MYO16: variants seen among roughly 807,000 people sequenced by gnomAD.
MYO16 encodes the protein myosin XVI, also known as unconventional myosin-XVI.
MYO16 carries 94 observed loss-of-function variants against 205.3 expected under a neutral mutation model. That is an observed-to-expected ratio of 0.46 (90% confidence interval 0.39 to 0.54). The LOEUF (loss-of-function observed/expected upper bound fraction) is 0.54, where lower values mean the gene tolerates loss of function less well. Among genes scored for constraint, MYO16 ranks in the 20% least tolerant of loss-of-function variants. The pLI is 0.00. For missense variants in MYO16, 2,315 were observed against 2,387.5 expected, an observed-to-expected ratio of 0.97 and a Z score of 0.63; for synonymous variants, 988 against 954.0, an observed-to-expected ratio of 1.04 and a Z score of -0.66.
At chr13:108,833,648 T>C (rs922904243) in intron 9 of MYO16, among the ~76,000 whole-genome samples, 1 of 152,198 alleles carries the variant, frequency 6.6e-6, no homozygotes, top group African/African-American at 2.4e-5. Context: ...CCTTTGTTAG[T>C]TTCATTTTAT....
intron 15 of MYO16, among the ~76,000 whole-genome samples, chr13:108,898,701 A>G (rs1342673382): frequency 6.6e-6 from 1 of 152,108 alleles, no homozygotes; most frequent in East Asian, 1.9e-4. Context: ...TAATTGCCAA[A>G]CTAAACCCAA....
chr13:108,863,758 G>T lies in MYO16; in HGVS notation c.1360-2419G>T, dbSNP rs995147952. On this transcript the variant is annotated intron_variant, in intron 11 of 34. Coordinates refer to ENST00000457511, the MANE Select transcript of MYO16 (RefSeq NM_001198950.3). ...TTCTGAAATAATCTGTAGAATGTTT[G>T]TTTATTTTGTACATCAATGTTGGGA... is the stretch of plus-strand genomic sequence containing the variant. Among the ~76,000 whole-genome samples, 9 of 152,170 alleles carry T rather than the reference G, an allele frequency of 5.9e-5. No homozygotes were observed. In the South Asian group the frequency reaches 8.3e-4, roughly 14 times the overall value.
the MYO16 span, among the ~76,000 whole-genome samples, chr13:108,503,023 C>A: frequency 9.2e-5 from 14 of 151,950 alleles, no homozygotes; most frequent in African/African-American, 3.1e-4. Context: ...CGTGTAGAAA[C>A]AAGTTTTCTG....
intron 9 of MYO16, among the ~76,000 whole-genome samples, chr13:108,829,913 G>GA (rs1009894880): frequency 2.7e-5 from 4 of 149,934 alleles, no homozygotes; most frequent in African/African-American, 4.9e-5. Flanking sequence ...AAATTTACAA[G>GA]AAAAAAACAA....
chr13:108,914,905 AGT>A (rs1881420397), intron 16 of MYO16, among the ~76,000 whole-genome samples: 1 of 152,198 alleles, frequency 6.6e-6, no homozygotes, highest in African/African-American at 2.4e-5. Context: ...AGCCTCCCAA[AGT>A]GCTGGGATCA....
chr13:108,596,361 T>C (rs1444672264), intron 1 of MYO16: 1 of 151,390 alleles, frequency 6.6e-6, no homozygotes, highest in Non-Finnish European at 1.5e-5. Context: ...AAAATGTGCA[T>C]ATGTCAGTAT....
rs1027348036 is a variant in MYO16 at position 109,060,353 on chromosome 13, A to T, written c.3335+4758A>T. Among the ~76,000 whole-genome samples the T allele has an allele frequency of 9.2e-5, 14 of 152,270 alleles. 1 individual carries two copies. In the East Asian group the frequency reaches 2.1e-3, roughly 23 times the overall value. On this transcript the variant is annotated intron_variant, in intron 27 of 34. Coordinates refer to ENST00000457511, the MANE Select transcript of MYO16 (RefSeq NM_001198950.3). ...TTTGCAGGGACATGGATGAAGCTGG[A>T]ACCCATCATTATCAGCAAACTGACA...
In MYO16 at chr13:109,140,726, C is replaced by A; in HGVS notation, c.4514C>A (p.Pro1505His). 1 of 1,512,110 alleles carries A rather than the reference C, an allele frequency of 6.6e-7. No homozygotes were observed. Among genetic ancestry groups the A allele is most frequent in the Non-Finnish European group, 8.8e-7 (1 of 1,131,296 alleles). The allele number at this position is 1,512,110 out of a possible 1,614,324, so 93.7% of individuals were successfully genotyped here. Residue 1505 changes from proline (P) to histidine (H), a missense_variant, in exon 32 of 35, where the codon CCC (proline) becomes CAC (histidine). Transcript: ENST00000457511. The surrounding 1 kb of genome is among the most constrained non-coding windows in gnomAD (Gnocchi z 8.0). ...GCGTGCGACATCCCGCCGCCCTTCC[C>A]CAACCTGCTGCCGCACCGGCCGCCC... Reference protein sequence around the residue: ...GDACDIPPPFPNLLPHRPPLL... With the variant: ...GDACDIPPPFHNLLPHRPPLL...
chr13:109,003,899 G>T (rs1337202150), intron 21 of MYO16, among the ~76,000 whole-genome samples: 1 of 152,076 alleles, frequency 6.6e-6, no homozygotes, highest in Non-Finnish European at 1.5e-5. Context: ...AATAACAAAA[G>T]AATTGTATTA....
chr13:108,720,014 C>T (rs986551737), intron 3 of MYO16, among the ~76,000 whole-genome samples: 2 of 152,070 alleles, frequency 1.3e-5, no homozygotes, highest in African/African-American at 2.4e-5. Context: ...GGATGTGGTT[C>T]GGTGTTTAGA....
At chr13:109,174,162 A>G (rs946271101) in intron 33 of MYO16, among the ~76,000 whole-genome samples, 2 of 152,140 alleles carry the variant, frequency 1.3e-5, no homozygotes, top group Non-Finnish European at 2.9e-5. Flanking sequence ...CAAGAATTTG[A>G]GGCAAATGAT....
rs917771051 is a variant in MYO16 at position 108,690,406 on chromosome 13, C to T, written c.293-22255C>T. ...TCCTTGGTCTTGCGGTACTCAACGT[C>T]GTGCTGCCACCACGAGCTATGGGGG... On this transcript the variant is annotated intron_variant, in intron 2 of 34. Transcript: ENST00000457511. 6.3e-4 allele frequency among the ~76,000 whole-genome samples: 28 copies of T among 44,534 alleles called. 2 individuals are homozygous for T. Among genetic ancestry groups the T allele is most frequent in the Non-Finnish European group, 8.7e-4 (22 of 25,368 alleles). The allele number at this position is 44,534 out of a possible 152,430, so 29.2% of individuals were successfully genotyped here.
chr13:108,567,431 C>A, the MYO16 span, among the ~76,000 whole-genome samples: 5 of 151,876 alleles, frequency 3.3e-5, no homozygotes, highest in African/African-American at 9.7e-5. Context: ...TAATTATACC[C>A]GAATTGAGAT....
intron 31 of MYO16, among the ~76,000 whole-genome samples, chr13:109,135,271 T>C (rs1015791356): frequency 2.0e-5 from 3 of 152,162 alleles, no homozygotes; most frequent in Non-Finnish European, 4.4e-5. Context: ...ATGTTGCTTA[T>C]GCCTTCATGA....
At chr13:108,626,300 G>A (rs550114151), upstream of MYO16, among the ~76,000 whole-genome samples, 1 of 152,246 alleles carries the variant, frequency 6.6e-6, no homozygotes, top group South Asian at 2.1e-4. Context: ...AAGAACAATA[G>A]TTCATTGTAA....
chr13:108,973,370 C>T (rs1361045395), intron 20 of MYO16, among the ~76,000 whole-genome samples: 3 of 152,070 alleles, frequency 2.0e-5, no homozygotes, highest in Non-Finnish European at 4.4e-5. Flanking sequence ...GTCATTTTCT[C>T]TTAAGGTTAT....
chr13:108,850,222 C>T (rs1459176658), intron 10 of MYO16, among the ~76,000 whole-genome samples: 1 of 152,178 alleles, frequency 6.6e-6, no homozygotes, highest in Non-Finnish European at 1.5e-5. Context: ...ATCTCTGTTG[C>T]CCCCTGGGCT....
rs755941794 is a variant in MYO16, at chr13:108,891,551, CAAAA to C, written c.1659+3077_1659+3080del. Among the ~76,000 whole-genome samples, 8 of 152,114 alleles carry C rather than the reference CAAAA, an allele frequency of 5.3e-5. No homozygotes were observed. The Middle Eastern group carries it at 0.01, about 194-fold the overall frequency. On this transcript the variant is annotated intron_variant, in intron 14 of 34. Transcript: ENST00000457511. Reference sequence around the variant, plus strand: ...CATATGTGCTATATCATTGCCTTGACAAAAAATAATGCATGTACACATCATAGGC... The same window carrying C: ...CATATGTGCTATATCATTGCCTTGACAATAATGCATGTACACATCATAGGC...
intron 18 of MYO16, 91 bp downstream of exon 18, chr13:108,961,747 G>A (rs1883591744): frequency 2.9e-6 from 3 of 1,038,298 alleles, no homozygotes; most frequent in Non-Finnish European, 4.5e-6. Flanking sequence ...AGAAAAGCCA[G>A]TTGGCTTAAA....
Sources: gnomAD v4.1 joint callset for allele counts (sites outside exome capture counted in the v4.1 genomes callset) on GRCh38, gnomAD v4.1.1 for gene constraint, Gnocchi (gnomAD v3.1) non-coding constraint, MANE v1.5 for transcripts, NCBI Gene and HGNC (gene_info 2026-07-23, HGNC 2026-07-21) for gene names.